SPAG16: variants seen among roughly 807,000 people sequenced by gnomAD.
SPAG16 encodes the protein sperm associated antigen 16, also known as sperm-associated antigen 16 protein.
In SPAG16, 86 loss-of-function variants were observed where a neutral mutation model predicts 80.4. The observed-to-expected ratio is 1.07, with a 90% CI of 0.90 to 1.28. The LOEUF (loss-of-function observed/expected upper bound fraction) is 1.28. Among genes scored for constraint, SPAG16 ranks in the 50% most tolerant of loss-of-function variants. The probability of loss-of-function intolerance (pLI) is 0.00; values close to 1 mark genes in which losing one functional copy is unlikely to be tolerated. For missense variants in SPAG16, 870 were observed against 765.3 expected (o/e 1.14, Z -1.61); for synonymous variants, 294 against 265.9 (o/e 1.11, Z -1.03).
At chr2:213,619,187 C>T (rs1036209177) in intron 10 of SPAG16, among the ~76,000 whole-genome samples, 1 of 151,974 alleles carries the variant, frequency 6.6e-6, no homozygotes, top group Non-Finnish European at 1.5e-5. Context: ...TCCCTCTCAG[C>T]CTATACAAAA....
At chr2:214,351,776 T>A (rs1177296974) in intron 15 of SPAG16, among the ~76,000 whole-genome samples, 1 of 19,992 alleles carries the variant, frequency 5.0e-5, no homozygotes, top group Non-Finnish European at 6.4e-4. Flanking sequence ...TTGTATCAAT[T>A]TTTTTTTTAG....
chr2:213,346,867 A>T (rs571528653), intron 6 of SPAG16, among the ~76,000 whole-genome samples: 71 of 151,906 alleles, frequency 4.7e-4, no homozygotes, highest in South Asian at 2.5e-3. Flanking sequence ...TGTCTCTGCC[A>T]GGCTTTGGTA....
rs936997323 is a variant in SPAG16 at position 214,067,957 on chromosome 2, C to T, written c.1528-40239C>T. ...AATGTGTTACTTTGTAAATAGAATT[C>T]AAATTAGAATTTAACCTTCAAAATA... On this transcript the variant is annotated intron_variant, in intron 13 of 15. Transcript: ENST00000331683. 3.9e-5 allele frequency among the ~76,000 whole-genome samples: 6 copies of T among 152,204 alleles called. No individual in the cohort carries two copies. In the East Asian group the frequency reaches 1.2e-3, roughly 29 times the overall value.
At position 214,052,065 on chromosome 2, in the gene SPAG16, G is replaced by C. The variant is rs147694882; in HGVS notation, c.1527+37988G>C. Among the ~76,000 whole-genome samples, 559 of 152,154 alleles carry C rather than the reference G, an allele frequency of 3.7e-3. 4 individuals are homozygous for C. The highest frequency in any genetic ancestry group is 0.017 in the Middle Eastern group (5 of 294). ...TCAAACATTTGAATGTGCTATATAA[G>C]CTCTATTCATGTCAAGTAGGACAAT... On this transcript the variant is annotated intron_variant, in intron 13 of 15. Coordinates refer to ENST00000331683, the MANE Select transcript of SPAG16 (RefSeq NM_024532.5).
chr2:214,211,936 C>G (rs1199379023), intron 15 of SPAG16, among the ~76,000 whole-genome samples: 2 of 152,158 alleles, frequency 1.3e-5, no homozygotes, highest in East Asian at 3.9e-4. Flanking sequence ...TTCTCCTGGC[C>G]TCCAATTTAC....
At chr2:214,016,976 G>A (rs903071706) in intron 13 of SPAG16, among the ~76,000 whole-genome samples, 1 of 152,134 alleles carries the variant, frequency 6.6e-6, no homozygotes, top group African/African-American at 2.4e-5. Flanking sequence ...AGGGATGCAA[G>A]TTCAGTATGT....
intron 9 of SPAG16, among the ~76,000 whole-genome samples, chr2:213,425,480 T>C (rs777149147): frequency 1.6e-4 from 24 of 151,684 alleles, no homozygotes; most frequent in Non-Finnish European, 2.2e-4. Context: ...TGAAACCCCA[T>C]CTCTACTAAA....
rs199987338 is a variant in SPAG16, at chr2:213,841,927, TA to T, written c.1071-20556del. ...CTTAATTGTAAGAAGCAGAATATTT[TA>T]ACGGCAAAAATGAGATAGGATATAT... On this transcript the variant is annotated intron_variant, in intron 10 of 15. Coordinates refer to ENST00000331683, the MANE Select transcript of SPAG16 (RefSeq NM_024532.5). Among the ~76,000 whole-genome samples, 1,510 of 152,262 alleles carry T rather than the reference TA, an allele frequency of 9.9e-3. 9 individuals are homozygous for T. Among genetic ancestry groups the T allele is most frequent in the Non-Finnish European group, 0.013 (873 of 67,974 alleles).
At chr2:213,755,534 C>CT (rs965511980) in intron 10 of SPAG16, among the ~76,000 whole-genome samples, 7 of 152,082 alleles carry the variant, frequency 4.6e-5, no homozygotes, top group Admixed American at 1.3e-4. Context: ...ATACATTGCA[C>CT]TTTTTTTGTG....
At chr2:213,316,832 C>G (rs1287660801) in intron 4 of SPAG16, among the ~76,000 whole-genome samples, 1 of 151,984 alleles carries the variant, frequency 6.6e-6, no homozygotes, top group Admixed American at 6.6e-5. Flanking sequence ...AGCACAAGCA[C>G]TCCCATCAGT....
In SPAG16 at chr2:213,475,209, C is replaced by T. The variant is rs139583588; in HGVS notation, c.943-14754C>T. 3.9e-5 allele frequency among the ~76,000 whole-genome samples: 6 copies of T among 152,172 alleles called. No individual in the cohort carries two copies. In the East Asian group the frequency reaches 5.8e-4, roughly 15 times the overall value. On this transcript the variant is annotated intron_variant, in intron 9 of 15. Coordinates refer to ENST00000331683, the MANE Select transcript of SPAG16 (RefSeq NM_024532.5). The stretch of plus-strand genomic sequence containing the variant: ...TCTGGAAAGCCTCTATATAACTGTC[C>T]GGGTCATCTGAAAACCTGCCAAGAT...
chr2:213,754,763 T>G (rs1310304656), intron 10 of SPAG16, among the ~76,000 whole-genome samples: 1 of 152,146 alleles, frequency 6.6e-6, no homozygotes, highest in Non-Finnish European at 1.5e-5. Flanking sequence ...GCCTGTTAGT[T>G]GGAGTAAAAT....
At chr2:213,617,298 C>T (rs571555772) in intron 10 of SPAG16, among the ~76,000 whole-genome samples, 3 of 152,094 alleles carry the variant, frequency 2.0e-5, no homozygotes, top group Non-Finnish European at 4.4e-5. Context: ...GGCACCATAG[C>T]TTATGTCTGT....
At chr2:214,277,260 T>C (rs1692538417) in intron 15 of SPAG16, among the ~76,000 whole-genome samples, 2 of 152,144 alleles carry the variant, frequency 1.3e-5, no homozygotes, top group Non-Finnish European at 2.9e-5. Flanking sequence ...TTTAGCTTGT[T>C]ATTACCGACC....
intron 14 of SPAG16, among the ~76,000 whole-genome samples, chr2:214,147,572 T>G (rs1224162851): frequency 1.9e-4 from 29 of 152,176 alleles, no homozygotes; most frequent in Non-Finnish European, 4.4e-5. Context: ...TGGAAAGAAT[T>G]CTTTCTAATT....
At chr2:213,418,731 T>C (rs764692719) in intron 9 of SPAG16, among the ~76,000 whole-genome samples, 8 of 152,206 alleles carry the variant, frequency 5.3e-5, no homozygotes, top group Non-Finnish European at 7.3e-5. Flanking sequence ...TGGTTATTGA[T>C]TTTATGTTTA....
At chr2:214,132,434 G>A (rs889731170) in intron 14 of SPAG16, among the ~76,000 whole-genome samples, 2 of 152,180 alleles carry the variant, frequency 1.3e-5, no homozygotes, top group African/African-American at 4.8e-5. Context: ...CTCAGTTGCT[G>A]TAGTTACATT....
At chr2:214,082,689 T>G (rs758547002) in intron 13 of SPAG16, among the ~76,000 whole-genome samples, 1 of 152,190 alleles carries the variant, frequency 6.6e-6, no homozygotes, top group Non-Finnish European at 1.5e-5. Flanking sequence ...TGGCTTTACC[T>G]TCAGATATTC....
chr2:213,632,104 A>C (rs928442377), intron 10 of SPAG16, among the ~76,000 whole-genome samples: 1 of 152,064 alleles, frequency 6.6e-6, no homozygotes, highest in African/African-American at 2.4e-5. Flanking sequence ...TGATTCTTCT[A>C]ATCTATCAAC....
Sources: gnomAD v4.1 joint callset for allele counts (sites outside exome capture counted in the v4.1 genomes callset) on GRCh38, gnomAD v4.1.1 for gene constraint, MANE v1.5 for transcripts, NCBI Gene and HGNC (gene_info 2026-07-23, HGNC 2026-07-21) for gene names.